COG5: variants seen among roughly 807,000 people sequenced by gnomAD.
COG5 encodes conserved oligomeric Golgi complex subunit 5.
A neutral mutation model predicts 110.4 loss-of-function variants in COG5; 86 were observed. That is an observed-to-expected ratio of 0.78 (90% CI 0.65 to 0.93). The LOEUF (loss-of-function observed/expected upper bound fraction) is 0.93, where lower values mean the gene tolerates loss of function less well. COG5 is among the 40% of genes least tolerant of loss of function. The probability of loss-of-function intolerance (pLI) is 0.00; values close to 1 mark genes in which losing one functional copy is unlikely to be tolerated. For missense variants in COG5, 1,077 were observed against 987.0 expected (o/e 1.09, Z -1.22); for synonymous variants, 360 against 334.6 (o/e 1.08, Z -0.83).
intron 14 of COG5, among the ~76,000 whole-genome samples, chr7:107,277,168 T>C (rs980173854): frequency 1.3e-5 from 2 of 152,132 alleles, no homozygotes; most frequent in East Asian, 1.9e-4. Flanking sequence ...TCTTGATATA[T>C]TGTAAAATGA....
intron 7 of COG5, among the ~76,000 whole-genome samples, chr7:107,393,154 A>C (rs1790745176): frequency 6.6e-6 from 1 of 152,232 alleles, no homozygotes; most frequent in Non-Finnish European, 1.5e-5. Context: ...TCACTGCATA[A>C]GAAATATTGA....
At chr7:107,454,813 A>C (rs1043435482) in intron 6 of COG5, among the ~76,000 whole-genome samples, 4 of 152,106 alleles carry the variant, frequency 2.6e-5, no homozygotes, top group African/African-American at 9.7e-5. Flanking sequence ...ATGTGCCTAG[A>C]TCTAGTCTGA....
chr7:107,476,105 A>G (rs577457702), intron 6 of COG5, among the ~76,000 whole-genome samples: 1 of 148,042 alleles, frequency 6.8e-6, no homozygotes, highest in Admixed American at 6.9e-5. Flanking sequence ...AAGAATACTA[A>G]AACACCAGCC....
chr7:107,387,128 T>C (rs115003508), intron 7 of COG5, among the ~76,000 whole-genome samples: 1 of 152,160 alleles, frequency 6.6e-6, no homozygotes, highest in Non-Finnish European at 1.5e-5. Flanking sequence ...GTATTTCTTT[T>C]AACACTTATA....
At position 107,563,749 on chromosome 7, in the gene COG5, G is replaced by A. The variant is rs1804205735; in HGVS notation, c.94+54C>T. ...GTTGGGTCCACCTCGCTGTCCAGGTGCGGAGCAGCGCAGACCCCCAACCCC... is the reference window on the plus strand; with the variant it reads ...GTTGGGTCCACCTCGCTGTCCAGGTACGGAGCAGCGCAGACCCCCAACCCC... On this transcript the variant is annotated intron_variant, in intron 1 of 21. Transcript: ENST00000297135. 12 of 1,587,716 alleles carry A rather than the reference G, an allele frequency of 7.6e-6. No homozygotes were observed. The South Asian group carries it at 8.9e-5, about 12-fold the overall frequency.
intron 10 of COG5, among the ~76,000 whole-genome samples, chr7:107,333,779 C>G (rs2129032347): frequency 6.6e-6 from 1 of 152,146 alleles, no homozygotes; most frequent in African/African-American, 2.4e-5. Context: ...CTAACTAGAA[C>G]AGTAAATTCT....
intron 6 of COG5, among the ~76,000 whole-genome samples, chr7:107,524,158 A>C (rs1404928955): frequency 6.6e-6 from 1 of 152,152 alleles, no homozygotes; most frequent in Non-Finnish European, 1.5e-5. Context: ...CGTAACATAA[A>C]ACTCTCCCTT....
chr7:107,273,575 T>A (rs964923041), intron 14 of COG5, among the ~76,000 whole-genome samples: 4 of 152,182 alleles, frequency 2.6e-5, no homozygotes, highest in Non-Finnish European at 5.9e-5. Flanking sequence ...ATTGACTATG[T>A]AATTGACCAA....
chr7:107,413,889 G>A (rs1384474905), intron 6 of COG5, among the ~76,000 whole-genome samples: 1 of 152,162 alleles, frequency 6.6e-6, no homozygotes, highest in Non-Finnish European at 1.5e-5. Context: ...TACCTAGATG[G>A]AGATACTAAA....
chr7:107,447,269 G>C (rs563498277), intron 6 of COG5, among the ~76,000 whole-genome samples: 126 of 152,050 alleles, frequency 8.3e-4, no homozygotes, highest in Non-Finnish European at 1.6e-3. Flanking sequence ...CATCAGCTGG[G>C]AAAAGTTCTC....
At chr7:107,458,922 T>C (rs111838438) in intron 6 of COG5, among the ~76,000 whole-genome samples, 1 of 151,422 alleles carries the variant, frequency 6.6e-6, no homozygotes, top group East Asian at 1.9e-4. Context: ...ACATATATTA[T>C]ATGTACATAT....
chr7:107,260,094 G>A (rs1249700207), intron 14 of COG5, among the ~76,000 whole-genome samples: 45 of 110,450 alleles, frequency 4.1e-4, no homozygotes, highest in Non-Finnish European at 7.2e-4. Context: ...ATATATATAT[G>A]AAATAAAAAC....
chr7:107,225,680 T>C (rs1800282664), intron 19 of COG5, among the ~76,000 whole-genome samples: 1 of 152,196 alleles, frequency 6.6e-6, no homozygotes, highest in African/African-American at 2.4e-5. Flanking sequence ...GCCTGGCTAA[T>C]TTTTCTATCT....
chr7:107,559,613 C>T (rs1803617340), intron 1 of COG5, among the ~76,000 whole-genome samples: 1 of 152,064 alleles, frequency 6.6e-6, no homozygotes, highest in Admixed American at 6.5e-5. Flanking sequence ...CAACCAACAA[C>T]AAAAAGTAAA....
intron 19 of COG5, among the ~76,000 whole-genome samples, chr7:107,213,873 T>G (rs571334176): frequency 6.6e-6 from 1 of 152,176 alleles, no homozygotes; most frequent in Non-Finnish European, 1.5e-5. Flanking sequence ...ACTAGCGGAA[T>G]AGTGACACCA....
chr7:107,554,937 G>C (rs758321127), intron 2 of COG5, among the ~76,000 whole-genome samples: 2 of 152,202 alleles, frequency 1.3e-5, no homozygotes, highest in Non-Finnish European at 2.9e-5. Flanking sequence ...AGATGTACAA[G>C]TGGAGTTGTG....
At chr7:107,368,883 C>T (rs1813865675) in intron 8 of COG5, among the ~76,000 whole-genome samples, 1 of 152,190 alleles carries the variant, frequency 6.6e-6, no homozygotes, top group South Asian at 2.1e-4. Context: ...AAATACAACA[C>T]TAAATAAAGT....
At chr7:107,425,505 TAA>T (rs202168362) in intron 6 of COG5, among the ~76,000 whole-genome samples, 1 of 137,082 alleles carries the variant, frequency 7.3e-6, no homozygotes, top group African/African-American at 2.7e-5. Flanking sequence ...TGAATTTTAC[TAA>T]AAAAAAAAAA....
intron 14 of COG5, among the ~76,000 whole-genome samples, chr7:107,259,143 G>GA (rs202136075): frequency 0.062 from 9,077 of 147,402 alleles, 313 homozygotes; most frequent in African/African-American, 0.088. Flanking sequence ...TCAAATTTAA[G>GA]AAAAAAAAAA....
Sources: gnomAD v4.1 joint callset for allele counts (sites outside exome capture counted in the v4.1 genomes callset) on GRCh38, gnomAD v4.1.1 for gene constraint, MANE v1.5 for transcripts, NCBI Gene and HGNC (gene_info 2026-07-23, HGNC 2026-07-21) for gene names.